DOCK2: variants seen among roughly 807,000 people sequenced by gnomAD.
The protein encoded by DOCK2 is dedicator of cytokinesis protein 2.
In DOCK2, 87 loss-of-function variants were observed where a neutral mutation model predicts 248.9. The observed-to-expected ratio is 0.35, with a 90% confidence interval of 0.29 to 0.42. DOCK2 has a LOEUF of 0.42. Among genes scored for constraint, DOCK2 ranks in the 10% least tolerant of loss-of-function variants. DOCK2 has a pLI of 1.00. For missense variants in DOCK2, 1,747 were observed against 2,300.2 expected (o/e 0.76, Z 4.92); for synonymous variants, 805 against 821.6 (o/e 0.98, Z 0.35).
chr5:169,667,533 C>A (rs1253369195), intron 2 of DOCK2, among the ~76,000 whole-genome samples: 1 of 152,190 alleles, frequency 6.6e-6, no homozygotes, highest in African/African-American at 2.4e-5. Context: ...TACAAAGTTG[C>A]ATTTCTGTCT....
intron 23 of DOCK2, among the ~76,000 whole-genome samples, chr5:169,756,713 G>A (rs896612649): frequency 2.0e-5 from 3 of 152,126 alleles, no homozygotes; most frequent in Admixed American, 6.5e-5. Context: ...ATCACTTGAG[G>A]TCAGGAGTTC....
intron 6 of DOCK2, 105 bp from the exon 7 acceptor site, chr5:169,681,639 C>G: frequency 2.2e-6 from 3 of 1,371,890 alleles, no homozygotes; most frequent in South Asian, 3.1e-5. Context: ...TTCTATGTGA[C>G]TATATGACCC....
In DOCK2 at chr5:169,742,039, A is replaced by G. The variant is rs262850; in HGVS notation, c.2268-5357A>G. ...CACCGTGTTAGCCAGGATGGTCTCA[A>G]TCTCCTGACCTCGTGATCTGCCCAT... On this transcript the variant is annotated intron_variant, in intron 22 of 51. Transcript: ENST00000520908. Among the ~76,000 whole-genome samples, 1,200 of 151,954 alleles carry G rather than the reference A, an allele frequency of 7.9e-3. 8 individuals are homozygous for G. The highest frequency in any genetic ancestry group is 0.016 in the Admixed American group (245 of 15,244).
intron 27 of DOCK2, among the ~76,000 whole-genome samples, chr5:169,867,284 G>T (rs1351373987): frequency 3.3e-5 from 5 of 152,166 alleles, no homozygotes; most frequent in Non-Finnish European, 5.9e-5. Context: ...GACAGGAGAA[G>T]GTCAGAGAAA....
At chr5:169,797,389 G>GA (rs766600524) in intron 25 of DOCK2, among the ~76,000 whole-genome samples, 28 of 152,146 alleles carry the variant, frequency 1.8e-4, no homozygotes, top group Non-Finnish European at 3.1e-4. Flanking sequence ...AGGAGCAGGT[G>GA]AAAAAAGGGT....
intron 30 of DOCK2, among the ~76,000 whole-genome samples, 183 bp from the exon 31 acceptor site, chr5:170,008,314 G>A (rs1465753612): frequency 2.0e-5 from 3 of 151,928 alleles, no homozygotes; most frequent in Non-Finnish European, 2.9e-5. Flanking sequence ...TCCATCCATT[G>A]TCCTCACTTT....
At chr5:170,056,574 G>T in intron 42 of DOCK2, 110 bp from the exon 43 acceptor site, 1 of 809,164 alleles carries the variant, frequency 1.2e-6, no homozygotes, top group Admixed American at 2.4e-5. Flanking sequence ...AAGGGACTCT[G>T]CCAGGCCTGA....
chr5:169,669,295 TA>T lies in DOCK2; in HGVS notation c.136del (p.Arg46GlyfsTer5). The T allele has an allele frequency of 6.2e-7, 1 of 1,614,176 alleles. No homozygotes were observed. The highest frequency in any genetic ancestry group is 8.5e-7 in the Non-Finnish European group (1 of 1,180,002). ...TTTGTTTTCTTTTTGCAGACTGGTA[TA>T]GGGGATACCTCATAAAGCACAAAAT... Reference protein sequence around the residue: ...RIQETCGDWYRGYLIKHKMLQ... With the variant: ...RIQETCGDWYXGYLIKHKMLQ... On this transcript the variant is annotated frameshift_variant, in exon 3 of 52. Transcript: ENST00000520908. LOFTEE classifies it high-confidence loss of function.
chr5:169,996,936 T>G (rs1754659382), intron 30 of DOCK2, among the ~76,000 whole-genome samples: 1 of 152,034 alleles, frequency 6.6e-6, no homozygotes, highest in Non-Finnish European at 1.5e-5. Context: ...ACGAGAGATT[T>G]GGAAAAGAAA....
chr5:169,733,421 T>C (rs1445709666), intron 22 of DOCK2, among the ~76,000 whole-genome samples: 1 of 151,840 alleles, frequency 6.6e-6, no homozygotes. Context: ...TAGATATTAT[T>C]ATTGTTTTAA....
At chr5:169,901,717 T>A (rs539209799) in intron 27 of DOCK2, among the ~76,000 whole-genome samples, 1 of 152,222 alleles carries the variant, frequency 6.6e-6, no homozygotes, top group East Asian at 1.9e-4. Flanking sequence ...TTAATTTGAT[T>A]TGAGTGGATT....
chr5:170,024,710 A>G (rs1294723528), intron 33 of DOCK2, among the ~76,000 whole-genome samples: 1 of 152,154 alleles, frequency 6.6e-6, no homozygotes, highest in Admixed American at 6.5e-5. Flanking sequence ...CAGGGCTGGG[A>G]AAAAAGTCAA....
chr5:170,030,432 T>C (rs535502702), intron 34 of DOCK2, among the ~76,000 whole-genome samples: 4 of 152,230 alleles, frequency 2.6e-5, no homozygotes, highest in Non-Finnish European at 5.9e-5. Flanking sequence ...GGGGATAAAA[T>C]ATTATCGAGC....
At chr5:169,863,828 T>C (rs778536621) in intron 27 of DOCK2, among the ~76,000 whole-genome samples, 19 of 152,248 alleles carry the variant, frequency 1.2e-4, no homozygotes, top group Admixed American at 1.3e-4. Context: ...TTTTTTTCTA[T>C]GGTACCTGCT....
At position 169,888,662 on chromosome 5, in the gene DOCK2, G is replaced by A. The variant is rs116687232; in HGVS notation, c.2799+47810G>A. Among the ~76,000 whole-genome samples the A allele has an allele frequency of 8.4e-3, 1,284 of 152,298 alleles. 4 individuals carry two copies. The highest frequency in any genetic ancestry group is 0.01 in the African/African-American group (424 of 41,552). ...GCATAGGCTTTTGCTTAAGATCTAC[G>A]TAGATGAGACTCTTCCACTTTCTGA... is the stretch of plus-strand genomic sequence containing the variant. On this transcript the variant is annotated intron_variant, in intron 27 of 51. Coordinates refer to ENST00000520908, the MANE Select transcript of DOCK2 (RefSeq NM_004946.3).
In DOCK2 at chr5:169,721,662, C is replaced by G. The variant is rs544072061; in HGVS notation, c.2267+2871C>G. ...CCCTGCTTGCATAACTGCAGCGGAT[C>G]TAGCTCCCATTATTTGTTCCCTTGC... On this transcript the variant is annotated intron_variant, in intron 22 of 51. Transcript: ENST00000520908. 5.3e-5 allele frequency among the ~76,000 whole-genome samples: 8 copies of G among 152,324 alleles called. No individual in the cohort carries two copies. In the Middle Eastern group the frequency reaches 0.01, roughly 194 times the overall value.
At chr5:169,868,631 A>C (rs1024407854) in intron 27 of DOCK2, among the ~76,000 whole-genome samples, 1 of 152,114 alleles carries the variant, frequency 6.6e-6, no homozygotes, top group African/African-American at 2.4e-5. Flanking sequence ...GGTGGTGTGC[A>C]ACTGTGATCC....
intron 27 of DOCK2, among the ~76,000 whole-genome samples, chr5:169,876,507 A>G (rs1772342754): frequency 6.6e-6 from 1 of 152,188 alleles, no homozygotes. Context: ...CTTTCCCACT[A>G]CAGTCAGGAC....
At chr5:169,920,500 T>A (rs1775115878) in intron 27 of DOCK2, among the ~76,000 whole-genome samples, 1 of 152,128 alleles carries the variant, frequency 6.6e-6, no homozygotes, top group South Asian at 2.1e-4. Context: ...CTGGCACTCA[T>A]ACTTGGGAGA....
Sources: gnomAD v4.1 joint callset for allele counts (sites outside exome capture counted in the v4.1 genomes callset) on GRCh38, gnomAD v4.1.1 for gene constraint, MANE v1.5 for transcripts, NCBI Gene and HGNC (gene_info 2026-07-23, HGNC 2026-07-21) for gene names.